SNX24: variants seen among roughly 807,000 people sequenced by gnomAD.
SNX24 encodes the protein sorting nexin 24.
A neutral mutation model predicts 28.7 loss-of-function variants in SNX24; 22 were observed. The ratio of observed to expected loss-of-function variants is 0.77; its 90% CI spans 0.55 to 1.10. SNX24 has a LOEUF of 1.10. Among genes scored for constraint, SNX24 ranks in the 50% least tolerant of loss-of-function variants. The pLI, the probability that SNX24 is intolerant of heterozygous loss-of-function variation, is 0.00. For synonymous variants in SNX24, 69 were observed against 71.5 expected, an observed-to-expected ratio of 0.96 and a Z score of 0.18; for missense variants, 221 against 201.1, an observed-to-expected ratio of 1.10 and a Z score of -0.60.
chr5:122,943,399 T>C (rs1375343415), intron 2 of SNX24, among the ~76,000 whole-genome samples: 4 of 152,216 alleles, frequency 2.6e-5, no homozygotes, highest in African/African-American at 9.6e-5. Flanking sequence ...CCCACGTTAC[T>C]GACTTCCCAT....
intron 3 of SNX24, chr5:122,948,544 C>T (rs2150127338): frequency 6.6e-6 from 1 of 152,352 alleles, no homozygotes; most frequent in South Asian, 2.1e-4. Context: ...ATCCCTCTGG[C>T]CTCAATTTCC....
intron 3 of SNX24, among the ~76,000 whole-genome samples, chr5:122,981,334 A>G (rs1341602314): frequency 6.6e-6 from 1 of 152,230 alleles, no homozygotes; most frequent in African/African-American, 2.4e-5. Context: ...AAATTTGGTC[A>G]GCATCTTCTA....
At position 123,009,022 on chromosome 5, in the gene SNX24, A is replaced by G; in HGVS notation, c.*1273A>G. On this transcript the variant is annotated 3_prime_UTR_variant, in exon 7 of 7. Coordinates refer to ENST00000261369, the MANE Select transcript of SNX24 (RefSeq NM_014035.4). The stretch of plus-strand genomic sequence containing the variant: ...GTTTTTGATTAGGATCTAAATATTC[A>G]GGTTTTAAGCCTGCTGCAAACTTTT... 2 of 985,634 alleles carry G rather than the reference A, an allele frequency of 2.0e-6. No individual in the cohort carries two copies. Among genetic ancestry groups the G allele is most frequent in the Non-Finnish European group, 2.4e-6 (2 of 829,694 alleles). The allele number at this position is 985,634 out of a possible 1,614,324, so 61.1% of individuals were successfully genotyped here. A position where few individuals can be genotyped will look rare whatever the true frequency, so the allele number is the denominator to read the frequency against.
At chr5:122,926,226 T>C (rs185953396) in intron 1 of SNX24, among the ~76,000 whole-genome samples, 1 of 152,174 alleles carries the variant, frequency 6.6e-6, no homozygotes, top group Non-Finnish European at 1.5e-5. Context: ...AAAAGCCTGT[T>C]ATAGGTGGCA....
downstream of SNX24, among the ~76,000 whole-genome samples, chr5:123,011,221 C>A (rs1191061230): frequency 6.6e-6 from 1 of 151,908 alleles, no homozygotes; most frequent in Non-Finnish European, 1.5e-5. Context: ...AAAAAAAAAT[C>A]CCATTACCAC....
chr5:122,981,221 A>C (rs930647790), intron 3 of SNX24, among the ~76,000 whole-genome samples: 9 of 152,228 alleles, frequency 5.9e-5, no homozygotes, highest in East Asian at 1.9e-4. Context: ...TTAAAGTGGT[A>C]TGCTTAATTA....
intron 2 of SNX24, among the ~76,000 whole-genome samples, chr5:122,945,460 C>A (rs534925688): frequency 6.6e-6 from 1 of 152,204 alleles, no homozygotes; most frequent in Non-Finnish European, 1.5e-5. Flanking sequence ...ATATTATCCC[C>A]TAAAACTGCT....
At chr5:123,000,727 G>A (rs1397500331) in intron 4 of SNX24, among the ~76,000 whole-genome samples, 1 of 152,208 alleles carries the variant, frequency 6.6e-6, no homozygotes, top group East Asian at 1.9e-4. Flanking sequence ...CATGGGCTGA[G>A]CTAGCCTCAG....
At chr5:122,850,459 C>T (rs771215858) in intron 1 of SNX24, among the ~76,000 whole-genome samples, 2 of 152,192 alleles carry the variant, frequency 1.3e-5, no homozygotes, top group Admixed American at 6.5e-5. Context: ...CAGACTGTAG[C>T]GATGATTCTG....
At chr5:122,853,668 G>C in intron 1 of SNX24, 1 of 371,770 alleles carries the variant, frequency 2.7e-6, no homozygotes, top group Non-Finnish European at 5.5e-6. Flanking sequence ...AATTTTTTTC[G>C]TACAGGTGAG....
intron 2 of SNX24, among the ~76,000 whole-genome samples, chr5:122,941,308 C>G (rs1263580856): frequency 6.6e-6 from 1 of 152,192 alleles, no homozygotes; most frequent in African/African-American, 2.4e-5. Context: ...ATTCTGTCTA[C>G]TACTAACACC....
intron 1 of SNX24, among the ~76,000 whole-genome samples, chr5:122,892,680 T>C (rs1581713643): frequency 2.0e-5 from 3 of 151,936 alleles, no homozygotes; most frequent in Admixed American, 1.3e-4. Flanking sequence ...TCAAGTGATC[T>C]GTCTGCCTCG....
intron 5 of SNX24, among the ~76,000 whole-genome samples, chr5:123,014,779 G>A (rs1762652935): frequency 6.6e-6 from 1 of 152,172 alleles, no homozygotes; most frequent in Non-Finnish European, 1.5e-5. Context: ...CCCTCTCCGA[G>A]TTCTTTCTAC....
intron 1 of SNX24, among the ~76,000 whole-genome samples, chr5:122,923,806 G>A (rs1758552354): frequency 6.6e-6 from 1 of 152,106 alleles, no homozygotes; most frequent in Non-Finnish European, 1.5e-5. Context: ...AATGAAACAA[G>A]AAAATTCGCA....
In SNX24 at chr5:122,946,161, TAAG is replaced by T; in HGVS notation, c.249+4_249+6del. ...CAAGGCTTGGAAACATACTTACAGG[TAAG>T]ATATGTTTAGATCCTCATTTTATAT... On this transcript the variant is annotated splice_donor_5th_base_variant and intron_variant, in intron 3 of 6. Transcript: ENST00000261369. 6.5e-7 allele frequency: 1 copy of T among 1,543,438 alleles called. No individual in the cohort carries two copies. Among genetic ancestry groups the T allele is most frequent in the South Asian group, 1.1e-5 (1 of 88,508 alleles).
At chr5:122,971,290 G>A (rs993262620) in intron 3 of SNX24, among the ~76,000 whole-genome samples, 2 of 152,174 alleles carry the variant, frequency 1.3e-5, no homozygotes, top group African/African-American at 4.8e-5. Context: ...GGTTGCGCTG[G>A]CAGATGATCA....
chr5:122,924,705 C>T (rs1456000618), intron 1 of SNX24, among the ~76,000 whole-genome samples: 3 of 152,060 alleles, frequency 2.0e-5, no homozygotes, highest in African/African-American at 7.2e-5. Context: ...TATACCTTGT[C>T]GTATTTATTT....
At chr5:122,926,690 T>C (rs953697693) in intron 1 of SNX24, among the ~76,000 whole-genome samples, 4 of 152,230 alleles carry the variant, frequency 2.6e-5, no homozygotes, top group Admixed American at 2.0e-4. Flanking sequence ...AAGGCATCAT[T>C]AGCCAACAGT....
chr5:122,928,274 TC>T (rs1347951043), intron 1 of SNX24, among the ~76,000 whole-genome samples: 1 of 152,168 alleles, frequency 6.6e-6, no homozygotes, highest in African/African-American at 2.4e-5. Context: ...ACTCACTCCC[TC>T]CTGTCATTCA....
Sources: gnomAD v4.1 joint callset for allele counts (sites outside exome capture counted in the v4.1 genomes callset) on GRCh38, gnomAD v4.1.1 for gene constraint, MANE v1.5 for transcripts, NCBI Gene and HGNC (gene_info 2026-07-23, HGNC 2026-07-21) for gene names.